WWOX: variants seen among roughly 807,000 people sequenced by gnomAD.
The protein encoded by WWOX is WW domain containing oxidoreductase.
WWOX carries 69 observed loss-of-function variants against 46.2 expected under a neutral mutation model. The observed-to-expected ratio is 1.49, with a 90% CI of 1.23 to 1.82. The LOEUF (loss-of-function observed/expected upper bound fraction) is 1.82, where lower values mean the gene tolerates loss of function less well. WWOX is among the 40% of genes most tolerant of loss of function. The probability of loss-of-function intolerance (pLI) is 0.00; values close to 1 mark genes in which losing one functional copy is unlikely to be tolerated. For missense variants in WWOX, 919 were observed against 542.6 expected, an observed-to-expected ratio of 1.69 and a Z score of -6.89; for synonymous variants, 359 against 202.6, an observed-to-expected ratio of 1.77 and a Z score of -6.56.
At chr16:79,047,419 A>G (rs972563273) in intron 8 of WWOX, among the ~76,000 whole-genome samples, 2 of 152,206 alleles carry the variant, frequency 1.3e-5, no homozygotes, top group Non-Finnish European at 2.9e-5. Context: ...TTAATTGATT[A>G]ATTGATTGAT....
intron 8 of WWOX, among the ~76,000 whole-genome samples, chr16:79,025,623 C>G (rs1362491618): frequency 1.3e-5 from 2 of 152,036 alleles, no homozygotes; most frequent in Non-Finnish European, 2.9e-5. Flanking sequence ...CCTTCTCACA[C>G]CTAGACTTTA....
intron 8 of WWOX, chr16:78,780,439 A>G (rs2050296018): frequency 6.6e-6 from 1 of 152,198 alleles, no homozygotes; most frequent in Non-Finnish European, 1.5e-5. Context: ...ATAAAATGAT[A>G]AACAAGTCAA....
chr16:78,832,113 T>A (rs1245742600), intron 8 of WWOX, among the ~76,000 whole-genome samples: 1 of 152,210 alleles, frequency 6.6e-6, no homozygotes, highest in Non-Finnish European at 1.5e-5. Flanking sequence ...TGGGTGATTC[T>A]AGCTCAGGGT....
intron 8 of WWOX, among the ~76,000 whole-genome samples, chr16:78,921,318 C>T (rs941125090): frequency 2.6e-5 from 4 of 152,134 alleles, no homozygotes; most frequent in Non-Finnish European, 5.9e-5. Context: ...TGACTAAAAC[C>T]ATTTGCTAAT....
In WWOX at chr16:78,185,479, G is replaced by A. The variant is rs544151897; in HGVS notation, c.516+21190G>A. Among the ~76,000 whole-genome samples the A allele has an allele frequency of 5.4e-5, 8 of 149,524 alleles. No individual in the cohort carries two copies. In the East Asian group the frequency reaches 1.6e-3, roughly 30 times the overall value. ...GCAGAACTTTTTCAAGTTGAACTGT[G>A]AACTGTGATTTTTTTTTTTTTTTAA... On this transcript the variant is annotated intron_variant, in intron 5 of 8. Coordinates refer to ENST00000566780, the MANE Select transcript of WWOX (RefSeq NM_016373.4).
intron 8 of WWOX, among the ~76,000 whole-genome samples, chr16:79,094,703 A>G (rs1311887050): frequency 1.3e-5 from 2 of 152,172 alleles, no homozygotes; most frequent in African/African-American, 4.8e-5. Context: ...GGATACATAT[A>G]TAAACTTAGT....
intron 8 of WWOX, among the ~76,000 whole-genome samples, chr16:79,123,485 C>G (rs547076721): frequency 6.6e-6 from 1 of 152,206 alleles, no homozygotes; most frequent in African/African-American, 2.4e-5. Context: ...CTGATCTAGG[C>G]TCATTCATAC....
At chr16:78,920,621 C>A (rs962263998) in intron 8 of WWOX, among the ~76,000 whole-genome samples, 1 of 152,122 alleles carries the variant, frequency 6.6e-6, no homozygotes, top group African/African-American at 2.4e-5. Context: ...GTGCAAAGAA[C>A]ATCCAGGTCA....
intron 8 of WWOX, among the ~76,000 whole-genome samples, chr16:78,920,763 G>A (rs541707710): frequency 1.3e-5 from 2 of 152,218 alleles, no homozygotes; most frequent in South Asian, 2.1e-4. Context: ...TGCAAAACAC[G>A]ACTTTTCTCT....
chr16:78,284,048 A>C (rs1871486526), intron 5 of WWOX, among the ~76,000 whole-genome samples: 1 of 152,170 alleles, frequency 6.6e-6, no homozygotes, highest in Admixed American at 6.5e-5. Context: ...TATCTCGTTA[A>C]AACATTTTGT....
chr16:79,025,894 G>A (rs1343033286), intron 8 of WWOX, among the ~76,000 whole-genome samples: 2 of 143,042 alleles, frequency 1.4e-5, no homozygotes, highest in African/African-American at 5.5e-5. Context: ...CGCCTCCTGG[G>A]TTCAAGTGAT....
Position 78,432,524 on chromosome 16 carries a change from C to A in WWOX, c.828C>A (p.Asp276Glu). ...TDINDSLGKL[D>E]FSRLSPTKND... ...TTAACGACTCCTTGGGAAAACTGGA[C>A]TTCAGTCGCCTCTCTCCAACAAAAA... The change falls in exon 8 of 9, where the codon GAC (aspartate) becomes GAA (glutamate). Residue 276 changes from aspartate (D) to glutamate (E), a missense_variant. Physicochemically the swap from Asp to Glu is conservative, Grantham distance 45. Transcript: ENST00000566780. 6.2e-7 allele frequency: 1 copy of A among 1,614,160 alleles called. No individual in the cohort carries two copies. The highest frequency in any genetic ancestry group is 1.3e-5 in the African/African-American group (1 of 75,048).
intron 8 of WWOX, among the ~76,000 whole-genome samples, chr16:78,553,627 G>C (rs1446803281): frequency 1.3e-5 from 2 of 152,122 alleles, no homozygotes; most frequent in South Asian, 4.2e-4. Flanking sequence ...GAGCAGTATG[G>C]CGCCCTAATA....
intron 8 of WWOX, among the ~76,000 whole-genome samples, chr16:78,892,505 A>C (rs1431757899): frequency 1.3e-5 from 2 of 152,220 alleles, no homozygotes. Context: ...CCCGCTGTCC[A>C]GAACACATGT....
intron 8 of WWOX, among the ~76,000 whole-genome samples, chr16:78,725,760 G>A (rs2048815489): frequency 6.6e-6 from 1 of 152,124 alleles, no homozygotes; most frequent in African/African-American, 2.4e-5. Context: ...CGTTCTTTCT[G>A]AAGGCTCCAG....
At chr16:78,327,361 AT>A (rs758665708) in intron 5 of WWOX, among the ~76,000 whole-genome samples, 68 of 151,992 alleles carry the variant, frequency 4.5e-4, no homozygotes, top group Non-Finnish European at 8.8e-4. Flanking sequence ...TTGTCACTCC[AT>A]TTTGTGCTGT....
chr16:78,858,577 T>C (rs1446727391), intron 8 of WWOX, among the ~76,000 whole-genome samples: 1 of 152,158 alleles, frequency 6.6e-6, no homozygotes, highest in African/African-American at 2.4e-5. Flanking sequence ...AGATAACTTC[T>C]ATCACCAGCA....
At chr16:78,209,981 A>T (rs2036507272) in intron 5 of WWOX, among the ~76,000 whole-genome samples, 1 of 152,216 alleles carries the variant, frequency 6.6e-6, no homozygotes, top group South Asian at 2.1e-4. Flanking sequence ...AACTTTTCTT[A>T]AACAGCAGAA....
chr16:78,882,240 T>G (rs984213816), intron 8 of WWOX, among the ~76,000 whole-genome samples: 3 of 152,240 alleles, frequency 2.0e-5, no homozygotes, highest in Admixed American at 1.3e-4. Flanking sequence ...TATAGTATGT[T>G]ATAGTTTTCA....
Sources: allele counts gnomAD v4.1 joint callset (sites outside exome capture counted in the v4.1 genomes callset), GRCh38; gene constraint gnomAD v4.1.1; transcripts MANE v1.5; gene names NCBI Gene and HGNC (gene_info 2026-07-23, HGNC 2026-07-21).